The following ACADL variants were observed in gnomAD, a reference collection of about 807,000 sequenced individuals.
ACADL encodes the protein long-chain specific acyl-CoA dehydrogenase, mitochondrial.
ACADL carries 60 observed loss-of-function variants against 56.9 expected under a neutral mutation model. That is an observed-to-expected ratio of 1.05 (90% CI 0.86 to 1.31). The LOEUF (loss-of-function observed/expected upper bound fraction) is 1.31, where lower values mean the gene tolerates loss of function less well. ACADL is among the 50% of genes most tolerant of loss of function. The pLI is 0.00. For synonymous variants in ACADL, 158 were observed against 179.7 expected, an observed-to-expected ratio of 0.88 and a Z score of 0.97; for missense variants, 484 against 525.5, an observed-to-expected ratio of 0.92 and a Z score of 0.77.
At chr2:210,216,710 A>C (rs142596310) in intron 3 of ACADL, 199 bp from the exon 4 acceptor site, 4 of 544,288 alleles carry the variant, frequency 7.3e-6, no homozygotes, top group African/African-American at 1.9e-5. Flanking sequence ...ACAGTGGTCT[A>C]CCAGAGTTCA....
chr2:210,199,258 T>C (rs1688757558), intron 8 of ACADL, among the ~76,000 whole-genome samples: 1 of 152,044 alleles, frequency 6.6e-6, no homozygotes, highest in Non-Finnish European at 1.5e-5. Context: ...TTAGATAAAA[T>C]AGGAAGATCA....
intron 4 of ACADL, among the ~76,000 whole-genome samples, chr2:210,214,467 A>AAAAAGAAAG (rs768537049): frequency 1.6e-5 from 2 of 122,336 alleles, no homozygotes; most frequent in African/African-American, 6.3e-5. Flanking sequence ...GACCTTCCAA[A>AAAAAGAAAG]AAAGAAAGAA....
intron 8 of ACADL, 97 bp from the exon 9 acceptor site, chr2:210,195,435 T>C (rs1321803826): frequency 6.3e-6 from 8 of 1,278,858 alleles, no homozygotes; most frequent in Non-Finnish European, 8.9e-6. Flanking sequence ...AAAAGATCTT[T>C]AGGGCAAACA....
At position 210,205,696 on chromosome 2, in the gene ACADL, A is replaced by T; in HGVS notation, c.704T>A (p.Val235Glu). 1 of 1,613,846 alleles carries T rather than the reference A, an allele frequency of 6.2e-7. No individual in the cohort carries two copies. Among genetic ancestry groups the T allele is most frequent in the Middle Eastern group, 1.7e-4 (1 of 6,056 alleles). The change falls in exon 6 of 11, where the codon GTG becomes GAG. Residue 235 changes from valine to glutamate, a missense_variant. Physicochemically the swap from Val to Glu is moderately radical, Grantham distance 121 (BLOSUM62 -2). Coordinates refer to ENST00000233710, the MANE Select transcript of ACADL (RefSeq NM_001608.4). ...GATAAATCCTTTCATTCCATTTTCC[A>T]CCAGAAAAAGGCTAATACCATGGGC... Reference protein sequence around the residue: ...SPAHGISLFLVENGMKGFIKG... With the variant: ...SPAHGISLFLEENGMKGFIKG...
At chr2:210,222,056 C>T (rs1039116269) in intron 1 of ACADL, among the ~76,000 whole-genome samples, 2 of 152,056 alleles carry the variant, frequency 1.3e-5, no homozygotes, top group Admixed American at 1.3e-4. Context: ...CTAAGTTTTC[C>T]CTAAGTATCA....
intron 3 of ACADL, chr2:210,217,716 GA>G (rs559916069): frequency 1.2e-4 from 52 of 446,908 alleles, no homozygotes; most frequent in East Asian, 5.2e-4. Context: ...GCATTGACAG[GA>G]AAAAAAAACT....
At chr2:210,207,600 G>A (rs1268573682) in intron 5 of ACADL, among the ~76,000 whole-genome samples, 7 of 152,148 alleles carry the variant, frequency 4.6e-5, no homozygotes, top group Admixed American at 6.5e-5. Context: ...GCTGGGTTAA[G>A]CGGTCCTACA....
At chr2:210,222,508 C>CA (rs797000679) in intron 1 of ACADL, among the ~76,000 whole-genome samples, 17,252 of 81,330 alleles carry the variant, frequency 0.21, 1,062 homozygotes, top group East Asian at 0.41. Flanking sequence ...AACAAACAAA[C>CA]AAAAAAAAAA....
chr2:210,219,938 T>TTA (rs1440395914), intron 2 of ACADL, among the ~76,000 whole-genome samples: 2 of 152,246 alleles, frequency 1.3e-5, no homozygotes, highest in East Asian at 3.9e-4. Flanking sequence ...ACTATGGGGT[T>TTA]TAGTAGGCTA....
rs1360740630 is a variant in ACADL at position 210,195,205 on chromosome 2, G to T, written c.1112+6C>A. ...CACCGCACTCTAATTACTGTAGCAT[G>T]CATACCAATATTTCGCCATGCAAGC... On this transcript the variant is annotated splice_donor_region_variant and intron_variant, in intron 9 of 10. Transcript: ENST00000233710. 2 of 1,613,636 alleles carry T rather than the reference G, an allele frequency of 1.2e-6. No individual in the cohort carries two copies. The highest frequency in any genetic ancestry group is 1.7e-6 in the Non-Finnish European group (2 of 1,179,828).
At chr2:210,203,307 A>G in intron 8 of ACADL, 24 bp downstream of exon 8, 2 of 1,518,836 alleles carry the variant, frequency 1.3e-6, no homozygotes, top group South Asian at 2.3e-5. Context: ...ACCATCTAAT[A>G]CTAAACCACA....
rs898646600 is a variant in ACADL at position 210,225,210 on chromosome 2, C to A, written c.54G>T (p.Ala18=). Residue 18 remains alanine (A), a synonymous_variant, in exon 1 of 11, where the codon GCG becomes GCT. Coordinates refer to ENST00000233710, the MANE Select transcript of ACADL (RefSeq NM_001608.4). ...GSLRVLGGHR[A]PRQLPAARCS... The stretch of plus-strand genomic sequence containing the variant: ...ACCGCGCGGCGGGCAGCTGGCGCGG[C>A]GCACGGTGGCCGCCCAGGACGCGTA... 2.9e-5 allele frequency: 44 copies of A among 1,542,074 alleles called. No individual in the cohort carries two copies. The Admixed American group carries it at 7.1e-4, about 25-fold the overall frequency.
Position 210,218,106 on chromosome 2 carries a change from C to T in ACADL, c.234-4G>A, listed in dbSNP as rs375633890. On this transcript the variant is annotated splice_polypyrimidine_tract_variant and splice_region_variant and intron_variant, in intron 2 of 10. Coordinates refer to ENST00000233710, the MANE Select transcript of ACADL (RefSeq NM_001608.4). ...TACTTCTCCAGCTTTCTCCCATCTG[C>T]AAATAACAAATATTTTAAATTCAGA... The T allele has an allele frequency of 1.6e-5, 25 of 1,612,224 alleles. No homozygotes were observed. In the African/African-American group the frequency reaches 2.5e-4, roughly 16 times the overall value.
intron 1 of ACADL, among the ~76,000 whole-genome samples, chr2:210,222,739 A>G (rs1689198793): frequency 6.6e-6 from 1 of 152,214 alleles, no homozygotes; most frequent in African/African-American, 2.4e-5. Context: ...TGGGCTGAGA[A>G]GAGTAGATGA....
In ACADL at chr2:210,216,377, G is replaced by A. The variant is rs1051507975; in HGVS notation, c.506C>T (p.Ala169Val). ...PQMTAGKCIG[A>V]IAMTEPGAGS... ...AGCTCCAGGCTCTGTCATTGCTATT[G>A]CACCAATACATTTGCCTGCAGTCAT... The change falls in exon 4 of 11, where the codon GCA (alanine) becomes GTA (valine). Residue 169 changes from alanine to valine, a missense_variant. Transcript: ENST00000233710. The A allele has an allele frequency of 1.2e-6, 2 of 1,613,744 alleles. No individual in the cohort carries two copies. Among genetic ancestry groups the A allele is most frequent in the South Asian group, 1.1e-5 (1 of 91,068 alleles).
intron 8 of ACADL, among the ~76,000 whole-genome samples, chr2:210,196,519 A>G (rs757368710): frequency 1.6e-4 from 25 of 152,098 alleles, no homozygotes; most frequent in Non-Finnish European, 3.1e-4. Context: ...GCTTCAATCA[A>G]GCTTTATTTC....
At chr2:210,207,266 A>C (rs1688900652) in intron 5 of ACADL, among the ~76,000 whole-genome samples, 1 of 152,206 alleles carries the variant, frequency 6.6e-6, no homozygotes, top group South Asian at 2.1e-4. Flanking sequence ...TCACACTTAA[A>C]AATTTTTGAA....
rs903049097 is a variant in ACADL at position 210,189,661 on chromosome 2, GA to G, written c.1200-608del. ...AGTCCATTGCTATACCCACACCAAA[GA>G]AAAAAAAAACCCAAATATCATAAGT... On this transcript the variant is annotated intron_variant, in intron 10 of 10. Transcript: ENST00000233710. Among the ~76,000 whole-genome samples, 27 of 147,000 alleles carry G rather than the reference GA, an allele frequency of 1.8e-4. No homozygotes were observed. In the South Asian group the frequency reaches 1.9e-3, roughly 11 times the overall value.
At chr2:210,218,974 C>T (rs961535239) in intron 2 of ACADL, among the ~76,000 whole-genome samples, 2 of 152,036 alleles carry the variant, frequency 1.3e-5, no homozygotes, top group Admixed American at 6.6e-5. Flanking sequence ...ATGAGAATGG[C>T]AGAATGAGGA....
Sources: allele counts gnomAD v4.1 joint callset (sites outside exome capture counted in the v4.1 genomes callset), GRCh38; gene constraint gnomAD v4.1.1; transcripts MANE v1.5; gene names NCBI Gene and HGNC (gene_info 2026-07-23, HGNC 2026-07-21).